The following CADM4 variants were observed in gnomAD, a reference collection of about 807,000 sequenced individuals.
CADM4 encodes the protein TSLC1-like 2.
A neutral mutation model predicts 43.9 loss-of-function variants in CADM4; 13 were observed. The observed-to-expected ratio is 0.30, with a 90% CI of 0.19 to 0.47. CADM4 has a LOEUF of 0.47. CADM4 is among the 20% of genes least tolerant of loss of function. The pLI is 1.00. For missense variants in CADM4, 420 were observed against 527.0 expected (o/e 0.80, Z 1.99); for synonymous variants, 209 against 220.9 (o/e 0.95, Z 0.48).
chr19:43,636,905 G>A (rs954420121), intron 1 of CADM4, among the ~76,000 whole-genome samples: 2 of 151,038 alleles, frequency 1.3e-5, no homozygotes, highest in African/African-American at 2.4e-5. Flanking sequence ...AGGAAAAAGT[G>A]AGTCACCCTG....
chr19:43,625,953 C>G lies in CADM4; in HGVS notation c.713G>C (p.Gly238Ala). 1 of 1,614,170 alleles carries G rather than the reference C, an allele frequency of 6.2e-7. No homozygotes were observed. The highest frequency in any genetic ancestry group is 8.5e-7 in the Non-Finnish European group (1 of 1,180,026). Residue 238 changes from glycine (G) to alanine (A), a missense_variant, in exon 6 of 9, where the codon GGA becomes GCA. By Grantham distance (60) the Gly-to-Ala change is moderately conservative. Transcript: ENST00000222374. This position sits in a 1 kb window ranked among gnomAD's most constrained non-coding sequence, Gnocchi z 4.5. ...AGCACACGTCAACACCAGCGTGTCT[C>G]CCTCCCTCACCACAGCTTGGGAGGC... ...IHASQAVVREGDTLVLTCAVT... is the reference protein window; with the variant it reads ...IHASQAVVREADTLVLTCAVT...
In CADM4 at chr19:43,623,309, A is replaced by C; in HGVS notation, c.*21T>G. The C allele has an allele frequency of 1.3e-6, 2 of 1,562,134 alleles. No homozygotes were observed. The highest frequency in any genetic ancestry group is 1.4e-5 in the African/African-American group (1 of 74,040). ...GGGACCCCAGCCCAGGCCCAGGCCT[A>C]GGCCTGGGGTGGGGATAGGGTCAGA... On this transcript the variant is annotated 3_prime_UTR_variant, in exon 9 of 9. Coordinates refer to ENST00000222374, the MANE Select transcript of CADM4 (RefSeq NM_145296.2). The surrounding 1 kb of genome is among the most constrained non-coding windows in gnomAD (Gnocchi z 4.4).
chr19:43,627,326 G>A lies in CADM4; in HGVS notation c.212-8C>T. ...AACGCTCATCCTTCAAGGCTAGAGA[G>A]AGTGAGGGGGAAGGTGTGAATTTCG... On this transcript the variant is annotated splice_region_variant and splice_polypyrimidine_tract_variant and intron_variant, in intron 2 of 8. Transcript: ENST00000222374. The surrounding 1 kb of genome is among the most constrained non-coding windows in gnomAD (Gnocchi z 4.0). 2 of 1,562,744 alleles carry A rather than the reference G, an allele frequency of 1.3e-6. No homozygotes were observed. The highest frequency in any genetic ancestry group is 1.7e-6 in the Non-Finnish European group (2 of 1,149,780).
rs1973507247 is a variant in CADM4 at position 43,625,373 on chromosome 19, C to T, written c.756-123G>A. On this transcript the variant is annotated intron_variant, in intron 6 of 8. Coordinates refer to ENST00000222374, the MANE Select transcript of CADM4 (RefSeq NM_145296.2). The surrounding 1 kb of genome is among the most constrained non-coding windows in gnomAD (Gnocchi z 4.5). ...GGACCTCCAAATAAGAGGCTTCCTGCTATCTCTTTCCTTTCTGGAAAACCA... is the reference window on the plus strand; with the variant it reads ...GGACCTCCAAATAAGAGGCTTCCTGTTATCTCTTTCCTTTCTGGAAAACCA... The T allele has an allele frequency of 1.0e-6, 1 of 964,614 alleles. No individual in the cohort carries two copies. The highest frequency in any genetic ancestry group is 1.5e-6 in the Non-Finnish European group (1 of 668,226). 59.8% of individuals were successfully genotyped at this position (964,614 alleles called of 1,614,324 possible).
intron 1 of CADM4, among the ~76,000 whole-genome samples, chr19:43,633,804 C>G (rs898251404): frequency 1.3e-5 from 2 of 151,670 alleles, no homozygotes; most frequent in African/African-American, 2.4e-5. Flanking sequence ...CCTCAGGCTA[C>G]CAAATAGCTA....
In CADM4 at chr19:43,639,804, C is replaced by T. The variant is rs1174913800; in HGVS notation, c.-14G>A. ...GGCCCGGCCCATGGTGCCGCCGCCG[C>T]CGCCGCCGCCGCTCGCTCCCGGCCC... On this transcript the variant is annotated 5_prime_UTR_variant, in exon 1 of 9. Transcript: ENST00000222374. 22 of 1,000,924 alleles carry T rather than the reference C, an allele frequency of 2.2e-5. No homozygotes were observed. The highest frequency in any genetic ancestry group is 2.6e-5 in the Non-Finnish European group (22 of 844,204). The allele number at this position is 1,000,924 out of a possible 1,614,324, so 62.0% of individuals were successfully genotyped here.
chr19:43,638,691 G>C (rs1302498090), intron 1 of CADM4, among the ~76,000 whole-genome samples: 1 of 152,258 alleles, frequency 6.6e-6, no homozygotes, highest in Non-Finnish European at 1.5e-5. Flanking sequence ...GTCCTGGACA[G>C]GGGCTTCTCT....
chr19:43,627,038 G>T lies in CADM4; in HGVS notation c.365-120C>A, dbSNP rs1973540113. 1.3e-6 allele frequency: 2 copies of T among 1,486,614 alleles called. No homozygotes were observed. The highest frequency in any genetic ancestry group is 4.7e-5 in the East Asian group (2 of 42,402). 92.1% of individuals were successfully genotyped at this position (1,486,614 alleles called of 1,614,324 possible). A position where few individuals can be genotyped will look rare whatever the true frequency, so the allele number is the denominator to read the frequency against. Reference sequence around the variant, plus strand: ...AGGGTCCCAGGTGGCAGGGGTCAAAGGGGAGAGGTCAGGAGCCAGATGCCC... The same window carrying T: ...AGGGTCCCAGGTGGCAGGGGTCAAATGGGAGAGGTCAGGAGCCAGATGCCC... On this transcript the variant is annotated intron_variant, in intron 3 of 8. Transcript: ENST00000222374. The surrounding 1 kb of genome is among the most constrained non-coding windows in gnomAD (Gnocchi z 4.0).
rs761491656 is a variant in CADM4 at position 43,623,286 on chromosome 19, G to A, written c.*44C>T. On this transcript the variant is annotated 3_prime_UTR_variant, in exon 9 of 9. Coordinates refer to ENST00000222374, the MANE Select transcript of CADM4 (RefSeq NM_145296.2). This position sits in a 1 kb window ranked among gnomAD's most constrained non-coding sequence, Gnocchi z 4.4. The stretch of plus-strand genomic sequence containing the variant: ...GTTCCTTGCAGCTGGCAGTGGGGGG[G>A]ACCCCAGCCCAGGCCCAGGCCTAGG... The A allele has an allele frequency of 1.6e-5, 23 of 1,457,180 alleles. No individual in the cohort carries two copies. In the African/African-American group the frequency reaches 2.2e-4, roughly 14 times the overall value. The allele number at this position is 1,457,180 out of a possible 1,614,324, so 90.3% of individuals were successfully genotyped here. A position where few individuals can be genotyped will look rare whatever the true frequency, so the allele number is the denominator to read the frequency against.
At chr19:43,630,229 C>T (rs1447216956) in intron 1 of CADM4, among the ~76,000 whole-genome samples, 3 of 150,184 alleles carry the variant, frequency 2.0e-5, no homozygotes, top group African/African-American at 7.4e-5. Context: ...CCCCATTTTG[C>T]CCGGCCTGCG....
chr19:43,631,035 A>T (rs1973615571), intron 1 of CADM4, among the ~76,000 whole-genome samples: 1 of 152,134 alleles, frequency 6.6e-6, no homozygotes, highest in African/African-American at 2.4e-5. Flanking sequence ...GGTAGGAACC[A>T]ATCACGGTAA....
At chr19:43,640,037 G>C (rs1436066531), upstream of CADM4, among the ~76,000 whole-genome samples, 7 of 151,244 alleles carry the variant, frequency 4.6e-5, no homozygotes, top group Non-Finnish European at 1.0e-4. Context: ...GCGGGAAGGG[G>C]TGCGCGGGAG....
rs777859092 is a variant in CADM4, at chr19:43,626,940, T to A, written c.365-22A>T. The A allele has an allele frequency of 6.4e-7, 1 of 1,571,188 alleles. No individual in the cohort carries two copies. On this transcript the variant is annotated intron_variant, in intron 3 of 8. Coordinates refer to ENST00000222374, the MANE Select transcript of CADM4 (RefSeq NM_145296.2). This position sits in a 1 kb window ranked among gnomAD's most constrained non-coding sequence, Gnocchi z 5.9. ...GCCACTGCCGCAGGGAGAAGGGAAG[T>A]AAGGGGTTAAAGAAGGCACGAACGT...
At chr19:43,628,815 C>T (rs757542814) in intron 1 of CADM4, among the ~76,000 whole-genome samples, 15 of 152,192 alleles carry the variant, frequency 9.9e-5, no homozygotes, top group African/African-American at 2.2e-4. Flanking sequence ...GAAGCCCAGC[C>T]GGCAGCCAGC....
At position 43,626,212 on chromosome 19, in the gene CADM4, G is replaced by C. The variant is rs749124977; in HGVS notation, c.576C>G (p.Asp192Glu). The C allele has an allele frequency of 3.2e-5, 52 of 1,613,562 alleles. No homozygotes were observed. The South Asian group carries it at 5.5e-4, about 17-fold the overall frequency. ...STVRFRVDRK[D>E]DGGIIICEAQ... ...CCTCACAGATGATGATACCACCGTC[G>C]TCCTTACGGTCCACACGAAACCGTA... is the stretch of plus-strand genomic sequence containing the variant. The change falls in exon 5 of 9, where the codon GAC becomes GAG. Residue 192 changes from aspartate (D) to glutamate (E), a missense_variant. Transcript: ENST00000222374. This position sits in a 1 kb window ranked among gnomAD's most constrained non-coding sequence, Gnocchi z 5.9.
rs750170412 is a variant in CADM4, at chr19:43,627,739, A to C, written c.116T>G (p.Val39Gly). Residue 39 changes from valine (V) to glycine (G), a missense_variant, in exon 2 of 9, where the codon GTG (valine) becomes GGG (glycine). Coordinates refer to ENST00000222374, the MANE Select transcript of CADM4 (RefSeq NM_145296.2). This position sits in a 1 kb window ranked among gnomAD's most constrained non-coding sequence, Gnocchi z 4.0. ...TENVTVAEGG[V>G]AEITCRLHQY... ...GTGCAGACGGCAGGTGATCTCAGCC[A>C]CCCCACCCTCAGCCACTGTCACGTT... The C allele has an allele frequency of 6.2e-6, 10 of 1,613,800 alleles. No homozygotes were observed. Among genetic ancestry groups the C allele is most frequent in the Non-Finnish European group, 8.5e-6 (10 of 1,179,936 alleles).
chr19:43,627,539 A>T lies in CADM4; in HGVS notation c.211+105T>A. 7.3e-7 allele frequency: 1 copy of T among 1,370,648 alleles called. No homozygotes were observed. The highest frequency in any genetic ancestry group is 9.9e-7 in the Non-Finnish European group (1 of 1,011,482). 84.9% of individuals were successfully genotyped at this position (1,370,648 alleles called of 1,614,324 possible). ...GGACCCCAGCCCTTTCTTCTCCGAG[A>T]CCCAGGAGACCAAACTCTCAGGTGT... is the stretch of plus-strand genomic sequence containing the variant. On this transcript the variant is annotated intron_variant, in intron 2 of 8. Coordinates refer to ENST00000222374, the MANE Select transcript of CADM4 (RefSeq NM_145296.2). The surrounding 1 kb of genome is among the most constrained non-coding windows in gnomAD (Gnocchi z 4.0).
rs924973641 is a variant in CADM4 at position 43,625,409 on chromosome 19, G to C, written c.756-159C>G. 2.6e-5 allele frequency among the ~76,000 whole-genome samples: 4 copies of C among 152,074 alleles called. No homozygotes were observed. Among genetic ancestry groups the C allele is most frequent in the African/African-American group, 4.8e-5 (2 of 41,402 alleles). On this transcript the variant is annotated intron_variant, in intron 6 of 8. Coordinates refer to ENST00000222374, the MANE Select transcript of CADM4 (RefSeq NM_145296.2). The surrounding 1 kb of genome is among the most constrained non-coding windows in gnomAD (Gnocchi z 4.5). ...CTTTCTGGAAAACCAACAGTCCTGG[G>C]CCTACTTCCACCCATCACCAAGGTC...
Position 43,627,934 on chromosome 19 carries a change from T to G in CADM4, c.65-144A>C. The G allele has an allele frequency of 1.2e-6, 1 of 809,558 alleles. No homozygotes were observed. The highest frequency in any genetic ancestry group is 2.0e-6 in the Non-Finnish European group (1 of 511,764). The allele number at this position is 809,558 out of a possible 1,614,324, so 50.1% of individuals were successfully genotyped here. Reference sequence around the variant, plus strand: ...ATTGCACTGAACATTTCCTGCAGGCTAGAGTCCAGGACAGGGAGGAAATCT... The same window carrying G: ...ATTGCACTGAACATTTCCTGCAGGCGAGAGTCCAGGACAGGGAGGAAATCT... On this transcript the variant is annotated intron_variant, in intron 1 of 8. Coordinates refer to ENST00000222374, the MANE Select transcript of CADM4 (RefSeq NM_145296.2). This position sits in a 1 kb window ranked among gnomAD's most constrained non-coding sequence, Gnocchi z 4.0.
Sources: gnomAD v4.1 joint callset for allele counts (sites outside exome capture counted in the v4.1 genomes callset) on GRCh38, gnomAD v4.1.1 for gene constraint, Gnocchi (gnomAD v3.1) non-coding constraint, MANE v1.5 for transcripts, NCBI Gene and HGNC (gene_info 2026-07-23, HGNC 2026-07-21) for gene names.